The following GRIK2 variants were observed in gnomAD, a reference collection of about 807,000 sequenced individuals.
GRIK2 encodes the protein glutamate ionotropic receptor kainate type subunit 2.
GRIK2 carries 32 observed loss-of-function variants against 100.3 expected under a neutral mutation model. The ratio of observed to expected loss-of-function variants is 0.32; its 90% CI spans 0.24 to 0.43. The LOEUF (loss-of-function observed/expected upper bound fraction) is 0.43. GRIK2 is among the 20% of genes least tolerant of loss of function. GRIK2 has a pLI of 1.00. For synonymous variants in GRIK2, 417 were observed against 389.4 expected, an observed-to-expected ratio of 1.07 and a Z score of -0.83; for missense variants, 843 against 1,114.9, an observed-to-expected ratio of 0.76 and a Z score of 3.47.
intron 4 of GRIK2, among the ~76,000 whole-genome samples, chr6:101,644,867 G>T (rs927535303): frequency 6.6e-6 from 1 of 151,836 alleles, no homozygotes; most frequent in Admixed American, 6.6e-5. Context: ...CCAGTGAAAT[G>T]TGAGCAAAGT....
intron 4 of GRIK2, among the ~76,000 whole-genome samples, chr6:101,665,610 A>G (rs879348930): frequency 1.6e-4 from 24 of 152,320 alleles, no homozygotes; most frequent in Non-Finnish European, 2.9e-4. Context: ...TTAAAAATAA[A>G]CCTTAAAGGT....
chr6:101,657,101 A>G (rs1414282844), intron 4 of GRIK2, among the ~76,000 whole-genome samples: 1 of 152,182 alleles, frequency 6.6e-6, no homozygotes, highest in African/African-American at 2.4e-5. Context: ...ACTATCAATA[A>G]ATGTTATCTA....
At chr6:101,650,998 CTTTT>C (rs1382580168) in intron 4 of GRIK2, among the ~76,000 whole-genome samples, 1 of 89,520 alleles carries the variant, frequency 1.1e-5, no homozygotes, top group Non-Finnish European at 2.1e-5. Flanking sequence ...GTATTTCTTT[CTTTT>C]TCTTTTTTTT....
chr6:101,972,685 T>C (rs144644217), intron 14 of GRIK2, among the ~76,000 whole-genome samples: 14 of 151,962 alleles, frequency 9.2e-5, no homozygotes, highest in Middle Eastern at 6.8e-3. Flanking sequence ...GAAGGTCTTA[T>C]ATTTAAATCT....
chr6:101,945,539 C>G (rs960058821), intron 14 of GRIK2, among the ~76,000 whole-genome samples: 2 of 152,062 alleles, frequency 1.3e-5, no homozygotes, highest in Non-Finnish European at 2.9e-5. Context: ...CTCTCCATAT[C>G]TATCGCCAAC....
At chr6:101,521,391 C>T (rs1774876569) in intron 2 of GRIK2, among the ~76,000 whole-genome samples, 1 of 151,770 alleles carries the variant, frequency 6.6e-6, no homozygotes, top group Non-Finnish European at 1.5e-5. Context: ...TTCTATGTTT[C>T]AAAAAGTATT....
At chr6:101,693,840 C>T (rs889259333) in intron 7 of GRIK2, among the ~76,000 whole-genome samples, 1 of 151,594 alleles carries the variant, frequency 6.6e-6, no homozygotes, top group African/African-American at 2.4e-5. Flanking sequence ...ATGATTATAT[C>T]ATATGTATAT....
chr6:102,052,923 A>G (rs1397149323), intron 15 of GRIK2, among the ~76,000 whole-genome samples: 2 of 152,020 alleles, frequency 1.3e-5, no homozygotes, highest in African/African-American at 4.8e-5. Context: ...TACTAAAAAT[A>G]CAGATGAGGT....
At chr6:101,665,107 A>G (rs530259381) in intron 4 of GRIK2, among the ~76,000 whole-genome samples, 1 of 152,128 alleles carries the variant, frequency 6.6e-6, no homozygotes, top group African/African-American at 2.4e-5. Flanking sequence ...TACACTCCAT[A>G]TAACACCTCA....
chr6:101,418,909 C>A (rs889386929), intron 2 of GRIK2, among the ~76,000 whole-genome samples: 6 of 152,036 alleles, frequency 3.9e-5, no homozygotes, highest in Admixed American at 3.3e-4. Context: ...TATGACATGG[C>A]GAGAGGATGG....
At chr6:101,716,918 T>C (rs1036507278) in intron 7 of GRIK2, among the ~76,000 whole-genome samples, 2 of 151,814 alleles carry the variant, frequency 1.3e-5, no homozygotes. Context: ...TCTACATACT[T>C]TATTGCTTCC....
chr6:101,849,813 GTTTTTTTTTT>G (rs36010543), intron 10 of GRIK2, among the ~76,000 whole-genome samples: 1 of 53,892 alleles, frequency 1.9e-5, no homozygotes, highest in African/African-American at 6.6e-5. Flanking sequence ...AAAAAGGAGG[GTTTTTTTTTT>G]TTTTTTTTTT....
intron 14 of GRIK2, among the ~76,000 whole-genome samples, chr6:102,029,994 G>A (rs1309513088): frequency 1.3e-5 from 2 of 151,196 alleles, no homozygotes; most frequent in Non-Finnish European, 3.0e-5. Context: ...TTTTGTGTAT[G>A]TGGTGAGAAT....
At position 101,399,082 on chromosome 6, in the gene GRIK2, G is replaced by A. The variant is rs1775136594; in HGVS notation, c.-196G>A. On this transcript the variant is annotated 5_prime_UTR_variant, in exon 2 of 17. Transcript: ENST00000369134. ...CCACCATTCCTTGCAGTGGAAGGTT[G>A]TTCCTTGGCGCAGTGAGTGAAGAAC... is the stretch of plus-strand genomic sequence containing the variant. 1 of 526,186 alleles carries A rather than the reference G, an allele frequency of 1.9e-6. No homozygotes were observed. The highest frequency in any genetic ancestry group is 3.4e-6 in the Non-Finnish European group (1 of 295,852). 32.6% of individuals were successfully genotyped at this position (526,186 alleles called of 1,614,324 possible).
intron 2 of GRIK2, among the ~76,000 whole-genome samples, chr6:101,564,058 T>C (rs1330623187): frequency 6.6e-6 from 1 of 152,170 alleles, no homozygotes; most frequent in Non-Finnish European, 1.5e-5. Context: ...CAAGGCTGAA[T>C]ACAAAATACA....
intron 16 of GRIK2, among the ~76,000 whole-genome samples, chr6:102,065,165 A>C (rs1340331698): frequency 6.6e-6 from 1 of 151,234 alleles, no homozygotes; most frequent in East Asian, 1.9e-4. Context: ...ATGGCTTTGT[A>C]AGCTAAATAA....
intron 2 of GRIK2, among the ~76,000 whole-genome samples, chr6:101,458,115 T>G (rs1038147251): frequency 1.1e-5 from 1 of 95,128 alleles, no homozygotes; most frequent in Non-Finnish European, 2.8e-5. Flanking sequence ...AAGTAGTAGA[T>G]AGTTTATTAT....
chr6:101,426,644 T>C (rs2225913), intron 2 of GRIK2, among the ~76,000 whole-genome samples: 8,148 of 152,270 alleles, frequency 0.054, 357 homozygotes, highest in South Asian at 0.14. Flanking sequence ...GAGGATCTAC[T>C]GTCTACAGGC....
chr6:101,776,703 T>C (rs1051017835), intron 7 of GRIK2, among the ~76,000 whole-genome samples: 2 of 152,210 alleles, frequency 1.3e-5, no homozygotes, highest in Non-Finnish European at 2.9e-5. Flanking sequence ...ATTCTAAATT[T>C]GTCAGTAACT....
Sources: gnomAD v4.1 joint callset for allele counts (sites outside exome capture counted in the v4.1 genomes callset) on GRCh38, gnomAD v4.1.1 for gene constraint, MANE v1.5 for transcripts, NCBI Gene and HGNC (gene_info 2026-07-23, HGNC 2026-07-21) for gene names.